Variants in ENTREP2 observed in about 807,000 individuals in gnomAD.
ENTREP2 encodes endosomal transmembrane epsin interactor 2, also known as protein ENTREP2.
chr15:29,507,182 G>A, the ENTREP2 span, among the ~76,000 whole-genome samples: 1 of 152,124 alleles, frequency 6.6e-6, no homozygotes, highest in South Asian at 2.1e-4. Flanking sequence ...AATGGTAAAA[G>A]AATCAATGCA....
the ENTREP2 span, chr15:29,124,740 G>C: frequency 1.3e-6 from 2 of 1,550,644 alleles, no homozygotes; most frequent in African/African-American, 1.4e-5. Context: ...GCTACACGAC[G>C]GCCTGTGTGA....
At chr15:29,296,443 A>C in the ENTREP2 span, among the ~76,000 whole-genome samples, 1 of 152,172 alleles carries the variant, frequency 6.6e-6, no homozygotes, top group Non-Finnish European at 1.5e-5. Flanking sequence ...AACACATGAA[A>C]TCCTCAGAAC....
chr15:29,128,677 G>GGGA, the ENTREP2 span: 2 of 830,748 alleles, frequency 2.4e-6, no homozygotes, highest in African/African-American at 1.7e-5. Flanking sequence ...AAGAAATGGA[G>GGGA]GGAGGAGGAG....
chr15:29,204,788 A>G, the ENTREP2 span, among the ~76,000 whole-genome samples: 1 of 152,196 alleles, frequency 6.6e-6, no homozygotes, highest in African/African-American at 2.4e-5. Context: ...CAAAGCTACA[A>G]AAACTAGACC....
At chr15:29,437,613 G>A in the ENTREP2 span, among the ~76,000 whole-genome samples, 2 of 152,058 alleles carry the variant, frequency 1.3e-5, no homozygotes, top group South Asian at 2.1e-4. Context: ...TTCTCTTGTC[G>A]ATTGTAATCA....
At chr15:29,410,988 G>A in the ENTREP2 span, among the ~76,000 whole-genome samples, 1 of 152,160 alleles carries the variant, frequency 6.6e-6, no homozygotes, top group South Asian at 2.1e-4. Context: ...GTTTCACCAT[G>A]TTGGTCAGGC....
the ENTREP2 span, among the ~76,000 whole-genome samples, chr15:29,411,071 C>T: frequency 6.6e-6 from 1 of 152,224 alleles, no homozygotes; most frequent in African/African-American, 2.4e-5. Context: ...GCATGAGCCA[C>T]TGCGCCTGGC....
chr15:29,628,662 C>G, the ENTREP2 span, among the ~76,000 whole-genome samples: 1 of 152,104 alleles, frequency 6.6e-6, no homozygotes, highest in Non-Finnish European at 1.5e-5. Flanking sequence ...TTTTTCAGTT[C>G]TGTTTTTACT....
At chr15:29,520,424 A>T in the ENTREP2 span, among the ~76,000 whole-genome samples, 4 of 152,312 alleles carry the variant, frequency 2.6e-5, no homozygotes, top group Non-Finnish European at 5.9e-5. Flanking sequence ...GTGATATGTG[A>T]CCTATGAATT....
chr15:29,608,522 T>TTTATTATTATTATTATTA, the ENTREP2 span, among the ~76,000 whole-genome samples: 45 of 140,546 alleles, frequency 3.2e-4, no homozygotes, highest in South Asian at 1.6e-3. Flanking sequence ...TCCTGCCTTC[T>TTTATTATTATTATTATTA]TTATTATTAT....
chr15:29,673,000 C>T, the ENTREP2 span, among the ~76,000 whole-genome samples: 2 of 152,084 alleles, frequency 1.3e-5, no homozygotes, highest in Non-Finnish European at 2.9e-5. Context: ...GGATTATACA[C>T]GAGTTTTCCA....
chr15:29,442,745 G>A, the ENTREP2 span, among the ~76,000 whole-genome samples: 3 of 152,200 alleles, frequency 2.0e-5, no homozygotes, highest in African/African-American at 4.8e-5. Flanking sequence ...CAGCCTCAGC[G>A]ATGGGGCTCT....
the ENTREP2 span, among the ~76,000 whole-genome samples, chr15:29,304,440 C>A: frequency 6.6e-6 from 1 of 152,204 alleles, no homozygotes; most frequent in African/African-American, 2.4e-5. Flanking sequence ...ATAGCCACCA[C>A]ACTATCAGAC....
chr15:29,522,056 A>G, the ENTREP2 span, among the ~76,000 whole-genome samples: 24 of 152,324 alleles, frequency 1.6e-4, no homozygotes, highest in Non-Finnish European at 3.5e-4. Flanking sequence ...ATGGTGCTGG[A>G]AAAACTGGAT....
chr15:29,488,523 T>C, the ENTREP2 span, among the ~76,000 whole-genome samples: 27 of 152,298 alleles, frequency 1.8e-4, no homozygotes, highest in East Asian at 4.8e-3. Context: ...TTGCCAAAAC[T>C]TACCATACCT....
At chr15:29,651,679 A>G in the ENTREP2 span, among the ~76,000 whole-genome samples, 1 of 152,216 alleles carries the variant, frequency 6.6e-6, no homozygotes. Context: ...GTTGGGGCCA[A>G]GCCCAGGCAC....
chr15:29,220,168 G>A, the ENTREP2 span, among the ~76,000 whole-genome samples: 4 of 152,130 alleles, frequency 2.6e-5, no homozygotes, highest in Admixed American at 6.6e-5. Flanking sequence ...GGGGAGACCC[G>A]CTGGGCTGGC....
chr15:29,383,971 G>A, the ENTREP2 span, among the ~76,000 whole-genome samples: 1 of 152,072 alleles, frequency 6.6e-6, no homozygotes, highest in South Asian at 2.1e-4. Context: ...TCCTTGCCTC[G>A]CAGTCCAGTT....
chr15:29,453,184 A>G, the ENTREP2 span, among the ~76,000 whole-genome samples: 1 of 152,180 alleles, frequency 6.6e-6, no homozygotes, highest in African/African-American at 2.4e-5. Flanking sequence ...ACCCCGGTGC[A>G]GGGGGAGAGA....
Sources: gnomAD v4.1 joint callset for allele counts (sites outside exome capture counted in the v4.1 genomes callset) on GRCh38, gnomAD v4.1.1 for gene constraint, MANE v1.5 for transcripts, NCBI Gene and HGNC (gene_info 2026-07-23, HGNC 2026-07-21) for gene names.